L3MBTL4: variants seen among roughly 807,000 people sequenced by gnomAD.
The protein encoded by L3MBTL4 is lethal(3)malignant brain tumor-like protein 4.
A neutral mutation model predicts 84.5 loss-of-function variants in L3MBTL4; 70 were observed. The ratio of observed to expected loss-of-function variants is 0.83; its 90% confidence interval spans 0.68 to 1.01. The LOEUF (loss-of-function observed/expected upper bound fraction) is 1.01. Among genes scored for constraint, L3MBTL4 ranks in the 50% least tolerant of loss-of-function variants. L3MBTL4 has a pLI of 0.00. For synonymous variants in L3MBTL4, 274 were observed against 259.8 expected (o/e 1.05, Z -0.52); for missense variants, 715 against 754.8 (o/e 0.95, Z 0.62).
chr18:6,254,353 A>G (rs1010157149), intron 5 of L3MBTL4, among the ~76,000 whole-genome samples: 15 of 150,942 alleles, frequency 9.9e-5, no homozygotes, highest in Non-Finnish European at 2.1e-4. Flanking sequence ...GTTGTTCATC[A>G]TGGGGATACA....
intron 16 of L3MBTL4, among the ~76,000 whole-genome samples, chr18:5,981,402 A>G (rs1394679778): frequency 6.6e-6 from 1 of 152,204 alleles, no homozygotes; most frequent in Non-Finnish European, 1.5e-5. Context: ...TTCTTTAAAA[A>G]TTATTAGAAT....
chr18:6,271,982 C>T (rs925643553), intron 4 of L3MBTL4, among the ~76,000 whole-genome samples: 1 of 152,160 alleles, frequency 6.6e-6, no homozygotes, highest in Non-Finnish European at 1.5e-5. Context: ...GAAAGGAACA[C>T]CTGGAGAAGT....
At chr18:6,198,904 G>C (rs948481002) in intron 12 of L3MBTL4, among the ~76,000 whole-genome samples, 1 of 152,104 alleles carries the variant, frequency 6.6e-6, no homozygotes, top group Admixed American at 6.5e-5. Context: ...ATATTTTAGG[G>C]TAGAAATAGA....
At chr18:6,175,033 C>CA (rs998593986) in intron 12 of L3MBTL4, among the ~76,000 whole-genome samples, 4 of 151,776 alleles carry the variant, frequency 2.6e-5, no homozygotes, top group Admixed American at 6.6e-5. Context: ...ATGGTTAAAA[C>CA]AAAAAATCTC....
chr18:6,165,811 A>G (rs1445284454), intron 13 of L3MBTL4, among the ~76,000 whole-genome samples: 2 of 152,218 alleles, frequency 1.3e-5, no homozygotes. Context: ...TAATGACAGG[A>G]TCAAATTCAC....
At chr18:6,080,850 T>C (rs370830786) in intron 16 of L3MBTL4, 31 bp downstream of exon 16, 13 of 1,449,424 alleles carry the variant, frequency 9.0e-6, no homozygotes, top group African/African-American at 8.4e-5. Flanking sequence ...AAAAAGTATA[T>C]TCTGTGTTTT....
intron 16 of L3MBTL4, among the ~76,000 whole-genome samples, chr18:6,002,607 A>G (rs2054261538): frequency 6.6e-6 from 1 of 152,106 alleles, no homozygotes; most frequent in African/African-American, 2.4e-5. Context: ...TTAAACGGGT[A>G]GAAATTCAAA....
chr18:6,063,788 T>A (rs2057314744), intron 16 of L3MBTL4, among the ~76,000 whole-genome samples: 1 of 152,142 alleles, frequency 6.6e-6, no homozygotes, highest in African/African-American at 2.4e-5. Context: ...TGCAAATATT[T>A]TCTCCCACTC....
intron 14 of L3MBTL4, among the ~76,000 whole-genome samples, chr18:6,119,514 A>G (rs2059461537): frequency 6.6e-6 from 1 of 152,212 alleles, no homozygotes; most frequent in African/African-American, 2.4e-5. Flanking sequence ...GGTGAGAGAA[A>G]GAGGCAGGGT....
intron 13 of L3MBTL4, among the ~76,000 whole-genome samples, chr18:6,138,636 C>A (rs561666386): frequency 6.6e-6 from 1 of 152,322 alleles, no homozygotes; most frequent in African/African-American, 2.4e-5. Context: ...ACTGCAACCT[C>A]TGCCTCCCGA....
At position 5,966,352 on chromosome 18, in the gene L3MBTL4, G is replaced by A. The variant is rs191630226; in HGVS notation, c.1614+3041C>T. On this transcript the variant is annotated intron_variant, in intron 17 of 18. Transcript: ENST00000317931. ...TGTACACAATTTTTCCAAATTCCCTGAGGCACAACTCCAGGAACCCAGCCT... is the reference window on the plus strand; with the variant it reads ...TGTACACAATTTTTCCAAATTCCCTAAGGCACAACTCCAGGAACCCAGCCT... Among the ~76,000 whole-genome samples, 443 of 152,126 alleles carry A rather than the reference G, an allele frequency of 2.9e-3. 1 individual carries two copies. The highest frequency in any genetic ancestry group is 0.01 in the African/African-American group (418 of 41,484).
intron 16 of L3MBTL4, among the ~76,000 whole-genome samples, chr18:5,971,265 T>C (rs1486189224): frequency 1.3e-5 from 2 of 152,134 alleles, no homozygotes; most frequent in East Asian, 3.9e-4. Flanking sequence ...AGTGGGAAAG[T>C]CACAGGGTCA....
intron 12 of L3MBTL4, among the ~76,000 whole-genome samples, chr18:6,181,498 C>A (rs2044470266): frequency 6.6e-6 from 1 of 150,840 alleles, no homozygotes; most frequent in Non-Finnish European, 1.5e-5. Flanking sequence ...GCTAATTTTT[C>A]TTTGTATTTT....
chr18:6,205,339 G>A (rs544026500), intron 12 of L3MBTL4, among the ~76,000 whole-genome samples: 13 of 152,258 alleles, frequency 8.5e-5, no homozygotes, highest in Admixed American at 6.5e-4. Flanking sequence ...CCAGCCTTGC[G>A]GACACCTTCA....
chr18:6,022,883 G>C (rs2055332776), intron 16 of L3MBTL4, among the ~76,000 whole-genome samples: 1 of 152,234 alleles, frequency 6.6e-6, no homozygotes, highest in Non-Finnish European at 1.5e-5. Context: ...TTAGTCCTCA[G>C]GCAGTGGTTA....
intron 12 of L3MBTL4, among the ~76,000 whole-genome samples, chr18:6,209,722 G>T (rs1294517584): frequency 6.6e-6 from 1 of 151,988 alleles, no homozygotes; most frequent in African/African-American, 2.4e-5. Context: ...AATCAAAATA[G>T]CCCAAAATAA....
At chr18:6,170,356 G>T (rs976821709) in intron 13 of L3MBTL4, among the ~76,000 whole-genome samples, 3 of 152,078 alleles carry the variant, frequency 2.0e-5, no homozygotes, top group African/African-American at 7.2e-5. Flanking sequence ...ATGCACTGGG[G>T]GTCAAAGCAT....
At chr18:6,094,490 T>C (rs766586596) in intron 14 of L3MBTL4, among the ~76,000 whole-genome samples, 2 of 152,130 alleles carry the variant, frequency 1.3e-5, no homozygotes, top group Non-Finnish European at 2.9e-5. Context: ...CATGAAATGG[T>C]AGCTGTTATT....
chr18:6,381,288 T>A (rs867213709), intron 1 of L3MBTL4, among the ~76,000 whole-genome samples: 3 of 152,238 alleles, frequency 2.0e-5, no homozygotes, highest in African/African-American at 7.2e-5. Flanking sequence ...TTTATCCAAT[T>A]TGCCAGCCTG....
Sources: allele counts gnomAD v4.1 joint callset (sites outside exome capture counted in the v4.1 genomes callset), GRCh38; gene constraint gnomAD v4.1.1; transcripts MANE v1.5; gene names NCBI Gene and HGNC (gene_info 2026-07-23, HGNC 2026-07-21).